The following HAVCR2 variants were observed in gnomAD, a reference collection of about 807,000 sequenced individuals.
HAVCR2 encodes hepatitis A virus cellular receptor 2, also known as T cell immunoglobulin mucin 3.
In HAVCR2, 13 loss-of-function variants were observed where a neutral mutation model predicts 24.7. The observed-to-expected ratio is 0.53, with a 90% CI of 0.34 to 0.84. HAVCR2 has a LOEUF of 0.84. HAVCR2 is among the 40% of genes least tolerant of loss of function. The probability of loss-of-function intolerance (pLI) is 0.01; values close to 1 mark genes in which losing one functional copy is unlikely to be tolerated. For synonymous variants in HAVCR2, 154 were observed against 143.4 expected (o/e 1.07, Z -0.53); for missense variants, 343 against 371.2 (o/e 0.92, Z 0.62).
intron 6 of HAVCR2, 71 bp downstream of exon 6, chr5:157,088,870 A>G: frequency 7.7e-7 from 1 of 1,302,418 alleles, no homozygotes; most frequent in Non-Finnish European, 1.1e-6. Flanking sequence ...TCTCAGAGAA[A>G]AGATCAGACA....
rs1267903269 is a variant in HAVCR2 at position 157,107,730 on chromosome 5, C to A, written c.59-768G>T. ...GAAATTCCTGGTCAGCTGTGCAATGCAGATTGATAGCTCATCTTTACCGGT... is the reference window on the plus strand; with the variant it reads ...GAAATTCCTGGTCAGCTGTGCAATGAAGATTGATAGCTCATCTTTACCGGT... On this transcript the variant is annotated intron_variant, in intron 1 of 6. Coordinates refer to ENST00000307851, the MANE Select transcript of HAVCR2 (RefSeq NM_032782.5). 2.0e-5 allele frequency among the ~76,000 whole-genome samples: 3 copies of A among 152,144 alleles called. No homozygotes were observed. In the East Asian group the frequency reaches 5.8e-4, roughly 29 times the overall value.
Position 157,104,707 on chromosome 5 carries a change from G to A in HAVCR2, c.437C>T (p.Ala146Val). 1.9e-6 allele frequency: 3 copies of A among 1,605,184 alleles called. No individual in the cohort carries two copies. The highest frequency in any genetic ancestry group is 1.1e-5 in the South Asian group (1 of 89,244). The change falls in exon 3 of 7, where the codon GCA becomes GTA. Residue 146 changes from alanine (A) to valine (V), a missense_variant. Transcript: ENST00000307851. ...GGTGGTAAGCATCCTTGGAAAGGCTGCAGTGAAGTCTCTCTGCCGAGTCGG... is the reference window on the plus strand; with the variant it reads ...GGTGGTAAGCATCCTTGGAAAGGCTACAGTGAAGTCTCTCTGCCGAGTCGG... ...PAPTRQRDFT[A>V]AFPRMLTTRG...
chr5:157,093,946 G>A (rs72805188), intron 5 of HAVCR2, among the ~76,000 whole-genome samples: 3,346 of 152,048 alleles, frequency 0.022, 62 homozygotes, highest in African/African-American at 0.05. Context: ...AAAAGTGTGC[G>A]AGGTTTTGGG....
rs1430038779 is a variant in HAVCR2, at chr5:157,087,271, G to A, written c.737C>T (p.Pro246Leu). Residue 246 changes from proline to leucine, a missense_variant, in exon 7 of 7, where the codon CCT becomes CTT. Pro to Leu is a moderately conservative substitution (Grantham distance 98). Coordinates refer to ENST00000307851, the MANE Select transcript of HAVCR2 (RefSeq NM_032782.5). ...TACTGCATTTGCCAATCCTGAGGGAGGGAGGTTGGCCAAAGAGATGAGGCT... is the reference window on the plus strand; with the variant it reads ...TACTGCATTTGCCAATCCTGAGGGAAGGAGGTTGGCCAAAGAGATGAGGCT... Reference protein sequence around the residue: ...NLSLISLANLPPSGLANAVAE... With the variant: ...NLSLISLANLLPSGLANAVAE... The A allele has an allele frequency of 1.5e-5, 24 of 1,610,604 alleles. No homozygotes were observed. Among genetic ancestry groups the A allele is most frequent in the Admixed American group, 3.4e-5 (2 of 58,766 alleles).
In HAVCR2 at chr5:157,087,300, G is replaced by T; in HGVS notation, c.714-6C>A. 1 of 1,600,584 alleles carries T rather than the reference G, an allele frequency of 6.2e-7. No homozygotes were observed. Among genetic ancestry groups the T allele is most frequent in the Non-Finnish European group, 8.5e-7 (1 of 1,175,248 alleles). On this transcript the variant is annotated splice_region_variant and splice_polypyrimidine_tract_variant and intron_variant, in intron 6 of 6. Coordinates refer to ENST00000307851, the MANE Select transcript of HAVCR2 (RefSeq NM_032782.5). Reference sequence around the variant, plus strand: ...GGTTGGCCAAAGAGATGAGGCTGTGGAAATAAAGTGTTGCGGTTGAGTTAA... The same window carrying T: ...GGTTGGCCAAAGAGATGAGGCTGTGTAAATAAAGTGTTGCGGTTGAGTTAA...
chr5:157,108,919 GACTT>G lies in HAVCR2; in HGVS notation c.58+3_58+6del. ...ATGTCATTGTAAATATCCATGCCGAGACTTACTTGTAAGTAGTAGCAGCAGCAGC... is the reference window on the plus strand; with the variant it reads ...ATGTCATTGTAAATATCCATGCCGAGACTTGTAAGTAGTAGCAGCAGCAGC... On this transcript the variant is annotated splice_donor_5th_base_variant and intron_variant, in intron 1 of 6. Coordinates refer to ENST00000307851, the MANE Select transcript of HAVCR2 (RefSeq NM_032782.5). 6.2e-7 allele frequency: 1 copy of G among 1,613,356 alleles called. No individual in the cohort carries two copies. Among genetic ancestry groups the G allele is most frequent in the South Asian group, 1.1e-5 (1 of 91,042 alleles).
At chr5:157,106,519 T>C in intron 2 of HAVCR2, 108 bp downstream of exon 2, 1 of 900,194 alleles carries the variant, frequency 1.1e-6, no homozygotes, top group Non-Finnish European at 1.7e-6. Context: ...TTAGTGGCCC[T>C]CCTCCAGGGC....
At chr5:157,104,906 G>A (rs557753237) in intron 2 of HAVCR2, 157 bp from the exon 3 acceptor site, 118 of 510,802 alleles carry the variant, frequency 2.3e-4, no homozygotes, top group Non-Finnish European at 3.3e-4. Flanking sequence ...CGTTGAGAGT[G>A]TATCACACAC....
chr5:157,108,836 AAAC>A, intron 1 of HAVCR2, 87 bp downstream of exon 1: 1 of 1,282,660 alleles, frequency 7.8e-7, no homozygotes, highest in Non-Finnish European at 1.1e-6. Flanking sequence ...TTGCTATTAC[AAAC>A]AACATTACAA....
intron 3 of HAVCR2, among the ~76,000 whole-genome samples, chr5:157,103,225 G>T (rs1353849285): frequency 6.6e-6 from 1 of 152,042 alleles, no homozygotes; most frequent in Non-Finnish European, 1.5e-5. Context: ...AAAAAAATTA[G>T]CTGGGCTTGA....
intron 3 of HAVCR2, 41 bp from the exon 4 acceptor site, chr5:157,098,942 C>A: frequency 6.4e-7 from 1 of 1,560,240 alleles, no homozygotes; most frequent in Non-Finnish European, 8.8e-7. Context: ...GAAAAATAGC[C>A]AATAGTATAG....
At chr5:157,095,165 T>C in intron 5 of HAVCR2, 141 bp downstream of exon 5, 1 of 807,340 alleles carries the variant, frequency 1.2e-6, no homozygotes. Context: ...TTAGCCATTA[T>C]TGTTAGGATT....
At chr5:157,100,744 A>T (rs1238478545) in intron 3 of HAVCR2, among the ~76,000 whole-genome samples, 3 of 152,198 alleles carry the variant, frequency 2.0e-5, no homozygotes, top group Admixed American at 6.6e-5. Flanking sequence ...AAATTATTGA[A>T]GAAAAAAAGA....
intron 5 of HAVCR2, 105 bp from the exon 6 acceptor site, chr5:157,089,082 T>G: frequency 5.3e-6 from 5 of 943,982 alleles, no homozygotes; most frequent in Non-Finnish European, 8.2e-6. Context: ...GGAAATCTGG[T>G]CTCATCTCAG....
chr5:157,096,006 A>T (rs917067806), intron 4 of HAVCR2, among the ~76,000 whole-genome samples: 1 of 152,054 alleles, frequency 6.6e-6, no homozygotes, highest in Non-Finnish European at 1.5e-5. Flanking sequence ...CAGGCGGATC[A>T]CCTGACATCA....
In HAVCR2 at chr5:157,104,736, A is replaced by T; in HGVS notation, c.408T>A (p.Pro136=). The T allele has an allele frequency of 6.3e-7, 1 of 1,598,196 alleles. No individual in the cohort carries two copies. The highest frequency in any genetic ancestry group is 8.5e-7 in the Non-Finnish European group (1 of 1,170,896). ...KLVIKPAKVT[P]APTRQRDFTA... Reference sequence around the variant, plus strand: ...TGAAGTCTCTCTGCCGAGTCGGTGCAGGGGTGACCTTGGCTAATGTCAGAA... The same window carrying T: ...TGAAGTCTCTCTGCCGAGTCGGTGCTGGGGTGACCTTGGCTAATGTCAGAA... Residue 136 remains proline (P), a synonymous_variant, in exon 3 of 7, where the codon CCT becomes CCA. Coordinates refer to ENST00000307851, the MANE Select transcript of HAVCR2 (RefSeq NM_032782.5).
At chr5:157,093,487 T>C (rs1272806363) in intron 5 of HAVCR2, among the ~76,000 whole-genome samples, 1 of 152,122 alleles carries the variant, frequency 6.6e-6, no homozygotes, top group Non-Finnish European at 1.5e-5. Context: ...GTCCCATATA[T>C]CTTAGGAACA....
rs1258031871 is a variant in HAVCR2 at position 157,096,933 on chromosome 5, C to T, written c.523-1474G>A. Among the ~76,000 whole-genome samples, 22 of 141,566 alleles carry T rather than the reference C, an allele frequency of 1.6e-4. 1 individual carries two copies. Among genetic ancestry groups the T allele is most frequent in the Admixed American group, 1.4e-3 (21 of 14,604 alleles). 92.9% of individuals were successfully genotyped at this position (141,566 alleles called of 152,430 possible). A position where few individuals can be genotyped will look rare whatever the true frequency, so the allele number is the denominator to read the frequency against. On this transcript the variant is annotated intron_variant, in intron 4 of 6. Transcript: ENST00000307851. ...TGAGACCCCATTTATACAAAACACA[C>T]ACACACACACACACACACACACACA...
chr5:157,090,639 T>A (rs1756986389), intron 5 of HAVCR2, among the ~76,000 whole-genome samples: 1 of 152,074 alleles, frequency 6.6e-6, no homozygotes, highest in African/African-American at 2.4e-5. Flanking sequence ...TGTCTTGGCC[T>A]CCCGAAGTGT....
Sources: gnomAD v4.1 joint callset for allele counts (sites outside exome capture counted in the v4.1 genomes callset) on GRCh38, gnomAD v4.1.1 for gene constraint, MANE v1.5 for transcripts, NCBI Gene and HGNC (gene_info 2026-07-23, HGNC 2026-07-21) for gene names.